NCSTN: variants seen among roughly 807,000 people sequenced by gnomAD.
NCSTN encodes the protein nicastrin.
In NCSTN, 22 loss-of-function variants were observed where a neutral mutation model predicts 87.0. The ratio of observed to expected loss-of-function variants is 0.25; its 90% CI spans 0.18 to 0.36. The LOEUF is 0.36. NCSTN is among the 10% of genes least tolerant of loss of function. NCSTN has a pLI of 1.00. For missense variants in NCSTN, 693 were observed against 883.3 expected (o/e 0.78, Z 2.73); for synonymous variants, 306 against 327.1 (o/e 0.94, Z 0.69).
chr1:160,351,184 A>G, intron 5 of NCSTN, 38 bp from the exon 6 acceptor site: 1 of 1,613,212 alleles, frequency 6.2e-7, no homozygotes, highest in Non-Finnish European at 8.5e-7. Context: ...GGGCCTCCAC[A>G]AACTAGCTGT....
chr1:160,354,185 C>G lies in NCSTN; in HGVS notation c.1247C>G (p.Pro416Arg), dbSNP rs902124468. The change falls in exon 11 of 17, where the codon CCA becomes CGA. Residue 416 changes from proline to arginine, a missense_variant. Coordinates refer to ENST00000294785, the MANE Select transcript of NCSTN (RefSeq NM_015331.3). The part of the protein sequence containing the change: ...AGVPAVILRR[P>R]NQSQPLPPSS... ...GTCCCTGCTGTCATCCTCAGGAGGCCAAATCAGTCCCAGCCTCTCCCACCA... is the reference window on the plus strand; with the variant it reads ...GTCCCTGCTGTCATCCTCAGGAGGCGAAATCAGTCCCAGCCTCTCCCACCA... The G allele has an allele frequency of 1.9e-6, 3 of 1,613,998 alleles. No individual in the cohort carries two copies. In the African/African-American group the frequency reaches 4.0e-5, roughly 22 times the overall value.
At chr1:160,343,646 G>C in intron 1 of NCSTN, 165 bp downstream of exon 1, 1 of 757,816 alleles carries the variant, frequency 1.3e-6, no homozygotes, top group East Asian at 2.7e-5. Context: ...CCCTTTGCCT[G>C]GACCTGAAGG....
At position 160,347,613 on chromosome 1, in the gene NCSTN, G is replaced by GTT. The variant is rs547208239; in HGVS notation, c.191-1386_191-1385insTT. Reference sequence around the variant, plus strand: ...GTCCTCGCTGGAGTTGAAGTTTTGGGGTGTGTGTGTGTGTGTGTCAGAGTC... The same window carrying GTT: ...GTCCTCGCTGGAGTTGAAGTTTTGGGTTGTGTGTGTGTGTGTGTGTCAGAGTC... On this transcript the variant is annotated intron_variant, in intron 2 of 16. Transcript: ENST00000294785. 7.0e-3 allele frequency among the ~76,000 whole-genome samples: 1,064 copies of GTT among 150,970 alleles called. 16 individuals carry two copies. The highest frequency in any genetic ancestry group is 0.024 in the African/African-American group (1,006 of 41,164).
intron 3 of NCSTN, 93 bp from the exon 4 acceptor site, chr1:160,349,456 C>G (rs781616922): frequency 6.6e-7 from 1 of 1,512,886 alleles, no homozygotes; most frequent in Non-Finnish European, 9.2e-7. Flanking sequence ...GTTTGATTCC[C>G]CTAGTTCCCC....
At position 160,356,781 on chromosome 1, in the gene NCSTN, C is replaced by T. The variant is rs188277254; in HGVS notation, c.1794+27C>T. The T allele has an allele frequency of 8.5e-5, 137 of 1,613,710 alleles. 1 individual carries two copies. The highest frequency in any genetic ancestry group is 6.7e-5 in the Non-Finnish European group (79 of 1,179,872). Reference sequence around the variant, plus strand: ...TGAGTGGTGGTGGGTGTTGGAAGTGCCCTGGGGCCCCTTTCCCTTGGGAAA... The same window carrying T: ...TGAGTGGTGGTGGGTGTTGGAAGTGTCCTGGGGCCCCTTTCCCTTGGGAAA... On this transcript the variant is annotated intron_variant, in intron 15 of 16. Transcript: ENST00000294785.
rs147649861 is a variant in NCSTN at position 160,354,106 on chromosome 1, C to T, written c.1180-12C>T. The T allele has an allele frequency of 2.4e-5, 38 of 1,613,532 alleles. No homozygotes were observed. In the Middle Eastern group the frequency reaches 1.5e-3, roughly 63 times the overall value. ...CAGCCTCCCATCAGTTAATCTCCCT[C>T]GTACCCCCCAGGTGGAGGATCTCCT... On this transcript the variant is annotated splice_polypyrimidine_tract_variant and intron_variant, in intron 10 of 16. Coordinates refer to ENST00000294785, the MANE Select transcript of NCSTN (RefSeq NM_015331.3).
intron 2 of NCSTN, among the ~76,000 whole-genome samples, chr1:160,345,668 C>G (rs1013044940): frequency 1.1e-4 from 16 of 151,866 alleles, no homozygotes; most frequent in African/African-American, 3.9e-4. Context: ...GGCGCAGTGG[C>G]ACATGCCTGT....
chr1:160,355,971 G>A lies in NCSTN; in HGVS notation c.1551+13G>A, dbSNP rs1445157591. ...TGATCCCCAAACGGTAAGCAGATGG[G>A]CCCTAGCTCCTTCTTTCTATTTACA... is the stretch of plus-strand genomic sequence containing the variant. On this transcript the variant is annotated intron_variant, in intron 13 of 16. Coordinates refer to ENST00000294785, the MANE Select transcript of NCSTN (RefSeq NM_015331.3). 3 of 1,600,992 alleles carry A rather than the reference G, an allele frequency of 1.9e-6. No homozygotes were observed. The highest frequency in any genetic ancestry group is 1.1e-5 in the South Asian group (1 of 90,756).
chr1:160,351,903 A>G, intron 7 of NCSTN, 98 bp downstream of exon 7: 3 of 1,473,422 alleles, frequency 2.0e-6, no homozygotes, highest in Non-Finnish European at 2.8e-6. Context: ...CTAAATTGGG[A>G]AGCCTCAAAT....
chr1:160,354,054 A>G, intron 10 of NCSTN, 64 bp from the exon 11 acceptor site: 1 of 1,541,706 alleles, frequency 6.5e-7, no homozygotes, highest in Non-Finnish European at 9.0e-7. Flanking sequence ...TTTCAGGCCT[A>G]AAAGAGACCT....
In NCSTN at chr1:160,358,455, G is replaced by T. The variant is rs200612114; in HGVS notation, c.*184G>T. On this transcript the variant is annotated 3_prime_UTR_variant, in exon 17 of 17. Coordinates refer to ENST00000294785, the MANE Select transcript of NCSTN (RefSeq NM_015331.3). ...ATAAATAAATTGCCTCCCTTCCTCC[G>T]CTCCCCTTTCCCATCACCCCTTCCC... 8 of 762,304 alleles carry T rather than the reference G, an allele frequency of 1.0e-5. No individual in the cohort carries two copies. In the South Asian group the frequency reaches 1.1e-4, roughly 11 times the overall value. The allele number at this position is 762,304 out of a possible 1,614,324, so 47.2% of individuals were successfully genotyped here. A position where few individuals can be genotyped will look rare whatever the true frequency, so the allele number is the denominator to read the frequency against.
chr1:160,350,502 G>T (rs111729938), intron 5 of NCSTN, among the ~76,000 whole-genome samples: 117 of 151,794 alleles, frequency 7.7e-4, no homozygotes, highest in African/African-American at 2.6e-3. Flanking sequence ...CCTATTTGGA[G>T]GGTGGCTCAT....
Position 160,353,174 on chromosome 1 carries a change from T to C in NCSTN, c.1116T>C (p.Thr372=). 1 of 1,614,124 alleles carries C rather than the reference T, an allele frequency of 6.2e-7. No homozygotes were observed. Among genetic ancestry groups the C allele is most frequent in the Non-Finnish European group, 8.5e-7 (1 of 1,179,998 alleles). ...CCTCCCCCCAGGTGGCCTTAAGAAC[T>C]TCATTAGAGCTTTGGATGCACACAG... ...FVELGQVALR[T]SLELWMHTDP... is the part of the protein sequence containing the mutation. Residue 372 remains threonine, a synonymous_variant, in exon 10 of 17, where the codon ACT becomes ACC. Coordinates refer to ENST00000294785, the MANE Select transcript of NCSTN (RefSeq NM_015331.3).
At position 160,357,775 on chromosome 1, in the gene NCSTN, CTT is replaced by C. The variant is rs1380779685; in HGVS notation, c.2008-372_2008-371del. Among the ~76,000 whole-genome samples, 4 of 152,316 alleles carry C rather than the reference CTT, an allele frequency of 2.6e-5. No homozygotes were observed. In the South Asian group the frequency reaches 6.2e-4, roughly 24 times the overall value. Reference sequence around the variant, plus strand: ...GAGAGCCCCTGTGGATCCCAGAACTCTTTCACAGCTTCAACTCCCGGCTGGCA... The same window carrying C: ...GAGAGCCCCTGTGGATCCCAGAACTCTCACAGCTTCAACTCCCGGCTGGCA... On this transcript the variant is annotated intron_variant, in intron 16 of 16. Coordinates refer to ENST00000294785, the MANE Select transcript of NCSTN (RefSeq NM_015331.3).
At chr1:160,353,962 C>T (rs1417956174) in intron 10 of NCSTN, among the ~76,000 whole-genome samples, 156 bp from the exon 11 acceptor site, 1 of 152,072 alleles carries the variant, frequency 6.6e-6, no homozygotes, top group Non-Finnish European at 1.5e-5. Context: ...ATTCAGAGAG[C>T]CTTGGTCCCA....
intron 2 of NCSTN, 150 bp downstream of exon 2, chr1:160,344,976 ATAAT>A (rs1448767469): frequency 8.2e-6 from 6 of 733,332 alleles, no homozygotes; most frequent in Admixed American, 2.0e-5. Flanking sequence ...GCTAGGCAAG[ATAAT>A]TAATAAGAAC....
intron 15 of NCSTN, 60 bp from the exon 16 acceptor site, chr1:160,356,981 G>A (rs551130527): frequency 6.7e-7 from 1 of 1,499,786 alleles, no homozygotes; most frequent in East Asian, 2.3e-5. Context: ...ATAGAGGGTA[G>A]AGGGAACGAG....
In NCSTN at chr1:160,356,704, A is replaced by C. The variant is rs1260064692; in HGVS notation, c.1744A>C (p.Thr582Pro). 2 of 1,614,202 alleles carry C rather than the reference A, an allele frequency of 1.2e-6. No homozygotes were observed. The change falls in exon 15 of 17, where the codon ACC (threonine) becomes CCC (proline). Residue 582 changes from threonine to proline, a missense_variant. Around this residue, in one of 4 missense-constraint regions of NCSTN, gnomAD observed 216 missense variants for 311.7 expected, o/e 0.69. Coordinates refer to ENST00000294785, the MANE Select transcript of NCSTN (RefSeq NM_015331.3). ...TTTGACTGGCACAGTGGTCAACCTC[A>C]CCCGAGAGCAGTGCCAGGATCCAAG... ...ANLTGTVVNLTREQCQDPSKV... is the reference protein window; with the variant it reads ...ANLTGTVVNLPREQCQDPSKV...
chr1:160,350,474 G>T (rs1648776479), intron 5 of NCSTN, among the ~76,000 whole-genome samples: 1 of 148,160 alleles, frequency 6.7e-6, no homozygotes, highest in East Asian at 2.0e-4. Flanking sequence ...AAAAAAAAAG[G>T]ATTATTTTAT....
Sources: allele counts gnomAD v4.1 joint callset (sites outside exome capture counted in the v4.1 genomes callset), GRCh38; gene constraint gnomAD v4.1.1; regional missense constraint gnomAD v4.1.1; transcripts MANE v1.5; gene names NCBI Gene and HGNC (gene_info 2026-07-23, HGNC 2026-07-21).